The following ALK variants were observed in gnomAD, a reference collection of about 807,000 sequenced individuals.
The protein encoded by ALK is ALK receptor tyrosine kinase, also known as ALK tyrosine kinase receptor.
In ALK, 74 loss-of-function variants were observed where a neutral mutation model predicts 163.1. The observed-to-expected ratio is 0.45, with a 90% CI of 0.38 to 0.55. ALK has a LOEUF of 0.55. ALK is among the 20% of genes least tolerant of loss of function. The pLI is 0.00. For missense variants in ALK, 2,063 were observed against 2,105.3 expected (o/e 0.98, Z 0.39); for synonymous variants, 960 against 843.2 (o/e 1.14, Z -2.40).
intron 3 of ALK, among the ~76,000 whole-genome samples, chr2:29,652,991 G>C (rs1677077464): frequency 6.6e-6 from 1 of 152,176 alleles, no homozygotes; most frequent in African/African-American, 2.4e-5. Flanking sequence ...ACTTGAAGCT[G>C]GTCAGGCAGA....
intron 26 of ALK, among the ~76,000 whole-genome samples, chr2:29,206,022 C>CTTCA (rs1206898664): frequency 6.6e-6 from 1 of 152,182 alleles, no homozygotes; most frequent in Non-Finnish European, 1.5e-5. Flanking sequence ...ACCAGGGAGA[C>CTTCA]TTCAGTTCAG....
chr2:29,900,856 A>G (rs1667395108), intron 1 of ALK, among the ~76,000 whole-genome samples: 1 of 152,188 alleles, frequency 6.6e-6, no homozygotes, highest in Non-Finnish European at 1.5e-5. Flanking sequence ...GAAATCAAGA[A>G]GGAGTGAGGG....
intron 3 of ALK, among the ~76,000 whole-genome samples, chr2:29,556,121 A>G (rs577830204): frequency 6.6e-6 from 1 of 152,150 alleles, no homozygotes; most frequent in Admixed American, 6.5e-5. Context: ...TGATAGCCCA[A>G]CTAGTATCTG....
At chr2:29,656,938 T>A (rs1355866630) in intron 3 of ALK, among the ~76,000 whole-genome samples, 2 of 152,208 alleles carry the variant, frequency 1.3e-5, no homozygotes, top group African/African-American at 2.4e-5. Flanking sequence ...ATAAAGGGCA[T>A]GGTGTCTCCC....
intron 4 of ALK, among the ~76,000 whole-genome samples, chr2:29,406,754 G>C (rs1669593853): frequency 6.6e-6 from 1 of 152,028 alleles, no homozygotes; most frequent in South Asian, 2.1e-4. Context: ...ACAAAAATCA[G>C]CTGGGCATGG....
At chr2:29,731,109 G>A (rs759181291) in intron 1 of ALK, among the ~76,000 whole-genome samples, 3 of 152,204 alleles carry the variant, frequency 2.0e-5, no homozygotes, top group Non-Finnish European at 4.4e-5. Context: ...TAAAGCATTT[G>A]TAACTGTCAA....
chr2:29,580,327 A>T (rs1674644279), intron 3 of ALK, among the ~76,000 whole-genome samples: 1 of 152,170 alleles, frequency 6.6e-6, no homozygotes, highest in South Asian at 2.1e-4. Flanking sequence ...GCCTTTTGTA[A>T]ATTACATTGC....
intron 2 of ALK, among the ~76,000 whole-genome samples, chr2:29,699,242 T>C (rs1304834830): frequency 2.0e-5 from 3 of 152,166 alleles, no homozygotes; most frequent in Non-Finnish European, 4.4e-5. Flanking sequence ...GAAACTACCT[T>C]CCCTCAGCCC....
intron 2 of ALK, among the ~76,000 whole-genome samples, chr2:29,706,777 G>A (rs1386100579): frequency 3.3e-5 from 5 of 152,150 alleles, no homozygotes; most frequent in Admixed American, 6.5e-5. Flanking sequence ...ACAGAAAATT[G>A]AAAATAATTA....
Position 29,859,940 on chromosome 2 carries a change from G to A in ALK, c.667+60053C>T, listed in dbSNP as rs1260087448. 3.9e-5 allele frequency among the ~76,000 whole-genome samples: 6 copies of A among 152,226 alleles called. No homozygotes were observed. In the South Asian group the frequency reaches 6.2e-4, roughly 16 times the overall value. On this transcript the variant is annotated intron_variant, in intron 1 of 28. Transcript: ENST00000389048. Reference sequence around the variant, plus strand: ...GGAAAGGGTGTTAGTAGAGCCTTGGGGTTCCCAAAGGATGGGAGAAAGGAG... The same window carrying A: ...GGAAAGGGTGTTAGTAGAGCCTTGGAGTTCCCAAAGGATGGGAGAAAGGAG...
intron 4 of ALK, among the ~76,000 whole-genome samples, chr2:29,507,621 C>T (rs185733733): frequency 1.6e-4 from 24 of 152,288 alleles, no homozygotes; most frequent in Middle Eastern, 6.8e-3. Flanking sequence ...TCAGGAGGAG[C>T]AGGGTTTGAC....
chr2:29,760,830 G>A (rs1181838308), intron 1 of ALK, among the ~76,000 whole-genome samples: 2 of 152,184 alleles, frequency 1.3e-5, no homozygotes, highest in African/African-American at 4.8e-5. Flanking sequence ...CAGGTCAGCT[G>A]TCCTCAACAC....
At chr2:29,619,257 G>A (rs1361809322) in intron 3 of ALK, among the ~76,000 whole-genome samples, 1 of 152,202 alleles carries the variant, frequency 6.6e-6, no homozygotes, top group Admixed American at 6.5e-5. Flanking sequence ...GCAAGCAAGA[G>A]TCTTTGCTCT....
At chr2:29,204,096 ATAAT>A (rs1669254956) in intron 26 of ALK, among the ~76,000 whole-genome samples, 1 of 152,162 alleles carries the variant, frequency 6.6e-6, no homozygotes. Flanking sequence ...AAATTTTTAA[ATAAT>A]AAGATTTTTT....
At chr2:29,892,866 C>T (rs1276520687) in intron 1 of ALK, among the ~76,000 whole-genome samples, 2 of 152,164 alleles carry the variant, frequency 1.3e-5, no homozygotes, top group Non-Finnish European at 2.9e-5. Context: ...CTTGTGGATA[C>T]TCAGAATGAT....
intron 4 of ALK, among the ~76,000 whole-genome samples, chr2:29,418,411 T>C (rs181050262): frequency 6.6e-6 from 1 of 152,224 alleles, no homozygotes; most frequent in Non-Finnish European, 1.5e-5. Flanking sequence ...CGGATATGTA[T>C]AATCTTTCTT....
At chr2:29,701,744 G>T (rs184139813) in intron 2 of ALK, among the ~76,000 whole-genome samples, 1 of 152,268 alleles carries the variant, frequency 6.6e-6, no homozygotes, top group East Asian at 1.9e-4. Context: ...ACCATGCCAG[G>T]CACCTTACAT....
chr2:29,748,136 T>A (rs978201887), intron 1 of ALK, among the ~76,000 whole-genome samples: 2 of 152,082 alleles, frequency 1.3e-5, no homozygotes, highest in Non-Finnish European at 2.9e-5. Flanking sequence ...CAACAAGAGA[T>A]CCACATGGTG....
chr2:29,546,094 G>A (rs963093829), intron 3 of ALK, among the ~76,000 whole-genome samples: 4 of 152,154 alleles, frequency 2.6e-5, no homozygotes, highest in East Asian at 1.9e-4. Flanking sequence ...ACATATGTAC[G>A]GATGTATATG....
Sources: gnomAD v4.1 joint callset for allele counts (sites outside exome capture counted in the v4.1 genomes callset) on GRCh38, gnomAD v4.1.1 for gene constraint, MANE v1.5 for transcripts, NCBI Gene and HGNC (gene_info 2026-07-23, HGNC 2026-07-21) for gene names.